Variants in HELZ observed in about 807,000 individuals in gnomAD.
The protein encoded by HELZ is ATP-dependent RNA helicase with zinc finger domain.
Under a neutral mutation model 218.2 loss-of-function variants are expected in HELZ, and 23 were observed. The observed-to-expected ratio is 0.11, with a 90% confidence interval of 0.08 to 0.15. The LOEUF (loss-of-function observed/expected upper bound fraction) is 0.15. HELZ is among the 10% of genes least tolerant of loss of function. HELZ has a pLI of 1.00. For missense variants in HELZ, 1,813 were observed against 2,353.7 expected (o/e 0.77, Z 4.75); for synonymous variants, 814 against 829.4 (o/e 0.98, Z 0.32).
In HELZ at chr17:67,108,641, G is replaced by A. The variant is rs1206800876; in HGVS notation, c.4575C>T (p.Leu1525=). The change falls in exon 30 of 33, where the codon CTC becomes CTT. Residue 1525 remains leucine, a synonymous_variant. Transcript: ENST00000358691. The surrounding 1 kb of genome is among the most constrained non-coding windows in gnomAD (Gnocchi z 4.1). Reference sequence around the variant, plus strand: ...GTGGGTATGGAGCGCTGCCCTGACTGAGAAAGGCATGATGCTCGCTCCACT... The same window carrying A: ...GTGGGTATGGAGCGCTGCCCTGACTAAGAAAGGCATGATGCTCGCTCCACT... ...FQQWSEHHAF[L]SQGSAPYPHH... 13 of 1,614,096 alleles carry A rather than the reference G, an allele frequency of 8.1e-6. No individual in the cohort carries two copies. Among genetic ancestry groups the A allele is most frequent in the Non-Finnish European group, 1.1e-5 (13 of 1,179,978 alleles).
rs184072151 is a variant in HELZ at position 67,235,364 on chromosome 17, G to C, written c.-19+4069C>G. ...TACTAAAAATACAAAAATTAGCAGG[G>C]CATGGTAGTGCGCACCTGTAATCCC... is the stretch of plus-strand genomic sequence containing the variant. On this transcript the variant is annotated intron_variant, in intron 3 of 32. Transcript: ENST00000358691. Among the ~76,000 whole-genome samples the C allele has an allele frequency of 5.0e-4, 76 of 152,220 alleles. 1 individual carries two copies. The East Asian group carries it at 5.6e-3, about 11-fold the overall frequency.
chr17:67,141,437 A>G (rs1298506174), intron 21 of HELZ, among the ~76,000 whole-genome samples: 1 of 151,688 alleles, frequency 6.6e-6, no homozygotes. Context: ...ATAAAATTAT[A>G]TAAAGTAATA....
At chr17:67,241,694 A>G (rs1433272375) in intron 2 of HELZ, among the ~76,000 whole-genome samples, 1 of 152,256 alleles carries the variant, frequency 6.6e-6, no homozygotes, top group Non-Finnish European at 1.5e-5. Context: ...AACAAATGCA[A>G]TAATCAAGTT....
chr17:67,218,834 G>C lies in HELZ; in HGVS notation c.-18-12C>G. ...CAGGGACAAAAATCCTACAGACAGG[G>C]AGAAAGAACAAGAGAAGGTTTTTTA... On this transcript the variant is annotated splice_polypyrimidine_tract_variant and intron_variant, in intron 3 of 32. Transcript: ENST00000358691. The C allele has an allele frequency of 1.3e-5, 21 of 1,587,188 alleles. No individual in the cohort carries two copies. The highest frequency in any genetic ancestry group is 1.8e-5 in the Non-Finnish European group (21 of 1,156,118).
chr17:67,099,745 G>A (rs1037211079), intron 31 of HELZ, among the ~76,000 whole-genome samples: 1 of 152,122 alleles, frequency 6.6e-6, no homozygotes, highest in South Asian at 2.1e-4. Flanking sequence ...TAGATAACTG[G>A]GGAAAGGTCA....
intron 31 of HELZ, among the ~76,000 whole-genome samples, chr17:67,105,167 A>G (rs1303859903): frequency 2.6e-5 from 4 of 152,160 alleles, no homozygotes; most frequent in Non-Finnish European, 5.9e-5. Flanking sequence ...ATGAGATCCT[A>G]CTACACACCC....
At chr17:67,098,602 G>T (rs2036825116) in intron 31 of HELZ, among the ~76,000 whole-genome samples, 2 of 151,808 alleles carry the variant, frequency 1.3e-5, no homozygotes. Flanking sequence ...AAATTAGCTG[G>T]GCATGGTGGT....
intron 31 of HELZ, among the ~76,000 whole-genome samples, chr17:67,088,299 A>G (rs1030548461): frequency 8.5e-5 from 13 of 152,204 alleles, no homozygotes; most frequent in Admixed American, 6.5e-4. Flanking sequence ...TGACTCTCAG[A>G]AATTGTACTT....
chr17:67,244,818 A>G (rs1331005960), intron 1 of HELZ: 1 of 985,198 alleles, frequency 1.0e-6, no homozygotes, highest in Non-Finnish European at 1.2e-6. Flanking sequence ...CCCCTCCCAG[A>G]GTGCTCTGGG....
chr17:67,225,252 G>C (rs1376881660), intron 3 of HELZ: 1 of 230,984 alleles, frequency 4.3e-6, no homozygotes, highest in East Asian at 1.2e-4. Context: ...CTATAAAGTA[G>C]ATATTAGAAT....
At chr17:67,234,046 A>T in intron 3 of HELZ, among the ~76,000 whole-genome samples, 1 of 149,412 alleles carries the variant, frequency 6.7e-6, no homozygotes, top group African/African-American at 2.4e-5. Context: ...TCCATCTCAA[A>T]AAAAAAAAAA....
At chr17:67,079,189 T>C (rs188916013) in intron 32 of HELZ, among the ~76,000 whole-genome samples, 7 of 152,382 alleles carry the variant, frequency 4.6e-5, no homozygotes, top group Admixed American at 3.3e-4. Flanking sequence ...CACTAAACCA[T>C]AGCTTGCTTT....
chr17:67,207,147 A>G (rs1301602389), intron 5 of HELZ, among the ~76,000 whole-genome samples: 10 of 128,362 alleles, frequency 7.8e-5, no homozygotes, highest in Middle Eastern at 5.9e-3. Context: ...CCTGACCTCA[A>G]GTGATCCGCC....
At chr17:67,098,411 A>G (rs539528004) in intron 31 of HELZ, among the ~76,000 whole-genome samples, 1 of 152,142 alleles carries the variant, frequency 6.6e-6, no homozygotes. Context: ...GTCTTTTTCA[A>G]TAAGAATATA....
chr17:67,222,566 T>C (rs2040775557), intron 3 of HELZ, among the ~76,000 whole-genome samples: 1 of 152,178 alleles, frequency 6.6e-6, no homozygotes, highest in African/African-American at 2.4e-5. Context: ...ATGACTAGTT[T>C]CCAAGATCTA....
At chr17:67,208,475 G>GT (rs1348812169) in intron 5 of HELZ, among the ~76,000 whole-genome samples, 1 of 152,106 alleles carries the variant, frequency 6.6e-6, no homozygotes, top group Non-Finnish European at 1.5e-5. Context: ...TAGGTGAAGG[G>GT]TACGTGGGAC....
chr17:67,110,065 G>GGTTTT (rs1320950826), intron 28 of HELZ, among the ~76,000 whole-genome samples: 2 of 151,826 alleles, frequency 1.3e-5, no homozygotes, highest in Non-Finnish European at 2.9e-5. Flanking sequence ...GGTGGGTTTG[G>GGTTTT]GTTTTGTTTT....
intron 17 of HELZ, among the ~76,000 whole-genome samples, chr17:67,152,679 A>T (rs1598330345): frequency 6.6e-6 from 1 of 151,106 alleles, no homozygotes; most frequent in East Asian, 2.0e-4. Context: ...TTTGGAGTTC[A>T]GGAGAATGCC....
At chr17:67,195,246 T>C (rs189350633) in intron 8 of HELZ, among the ~76,000 whole-genome samples, 173 bp downstream of exon 8, 1 of 152,298 alleles carries the variant, frequency 6.6e-6, no homozygotes, top group East Asian at 1.9e-4. Flanking sequence ...TATGAAAAGG[T>C]GCCAGGGAGA....
Sources: allele counts gnomAD v4.1 joint callset (sites outside exome capture counted in the v4.1 genomes callset), GRCh38; gene constraint gnomAD v4.1.1; non-coding constraint Gnocchi (gnomAD v3.1); transcripts MANE v1.5; gene names NCBI Gene and HGNC (gene_info 2026-07-23, HGNC 2026-07-21).